The following H2BC21 variants were observed in gnomAD, a reference collection of about 807,000 sequenced individuals.
H2BC21 encodes histone H2B type 2-E.
A neutral mutation model predicts 6.2 loss-of-function variants in H2BC21; 2 were observed. The ratio of observed to expected loss-of-function variants is 0.32; its 90% confidence interval spans 0.13 to 1.02. The LOEUF (loss-of-function observed/expected upper bound fraction) is 1.02. Among genes scored for constraint, H2BC21 ranks in the 50% least tolerant of loss-of-function variants. The probability of loss-of-function intolerance (pLI) is 0.47; values close to 1 mark genes in which losing one functional copy is unlikely to be tolerated. For synonymous variants in H2BC21, 109 were observed against 75.2 expected, an observed-to-expected ratio of 1.45 and a Z score of -2.33; for missense variants, 98 against 172.2, an observed-to-expected ratio of 0.57 and a Z score of 2.41.
Position 149,885,684 on chromosome 1 carries a change from C to T in H2BC21, c.*576G>A, listed in dbSNP as rs587699307. On this transcript the variant is annotated 3_prime_UTR_variant, in exon 1 of 1. Transcript: ENST00000369155. Reference sequence around the variant, plus strand: ...CGCCCAATCAGGACAAGGCTGGGACCCGGCTGCGCGGCCTTCGTCCAAAAT... The same window carrying T: ...CGCCCAATCAGGACAAGGCTGGGACTCGGCTGCGCGGCCTTCGTCCAAAAT... 6.2e-6 allele frequency: 1 copy of T among 162,256 alleles called. No individual in the cohort carries two copies. Among genetic ancestry groups the T allele is most frequent in the African/African-American group, 2.4e-5 (1 of 41,592 alleles). 10.1% of individuals were successfully genotyped at this position (162,256 alleles called of 1,614,324 possible). A position where few individuals can be genotyped will look rare whatever the true frequency, so the allele number is the denominator to read the frequency against.
Position 149,886,677 on chromosome 1 carries a change from A to T in H2BC21, c.-37T>A. ...GTACAAACGCGGCTTAGCCAAGAAA[A>T]GAAGTAAGAGAATGGGCGGGCCTGA... On this transcript the variant is annotated 5_prime_UTR_variant, in exon 1 of 1. Transcript: ENST00000369155. The T allele has an allele frequency of 6.3e-7, 1 of 1,585,968 alleles. No homozygotes were observed. The highest frequency in any genetic ancestry group is 8.6e-7 in the Non-Finnish European group (1 of 1,168,632).
chr1:149,886,446 G>A lies in H2BC21; in HGVS notation c.195C>T (p.Ser65=). ...TGCGCTCGAAGATGTCGTTGACGAA[G>A]GAGTTCATGATGCCCATGGCCTTGG... ...ISSKAMGIMN[S]FVNDIFERIA... The change falls in exon 1 of 1, where the codon TCC becomes TCT. Residue 65 remains serine, a synonymous_variant. Transcript: ENST00000369155. 1.9e-6 allele frequency: 3 copies of A among 1,614,260 alleles called. No homozygotes were observed. The highest frequency in any genetic ancestry group is 1.1e-5 in the South Asian group (1 of 91,092).
chr1:149,886,587 G>C lies in H2BC21; in HGVS notation c.54C>G (p.Ala18=). The C allele has an allele frequency of 1.9e-6, 3 of 1,614,190 alleles. No individual in the cohort carries two copies. Among genetic ancestry groups the C allele is most frequent in the Non-Finnish European group, 2.5e-6 (3 of 1,180,024 alleles). ...CGTCTTTCTTCTGGGCTTTGGTGACGGCTTTCTTGGAGCCCTTTTTAGGGG... is the reference window on the plus strand; with the variant it reads ...CGTCTTTCTTCTGGGCTTTGGTGACCGCTTTCTTGGAGCCCTTTTTAGGGG... The part of the protein sequence containing the change: ...APAPKKGSKK[A]VTKAQKKDGK... Residue 18 remains alanine (A), a synonymous_variant, in exon 1 of 1, where the codon GCC becomes GCG. Coordinates refer to ENST00000369155, the MANE Select transcript of H2BC21 (RefSeq NM_003528.3).
At position 149,886,054 on chromosome 1, in the gene H2BC21, T is replaced by A. The variant is rs896355069; in HGVS notation, c.*206A>T. 6 of 816,140 alleles carry A rather than the reference T, an allele frequency of 7.4e-6. No homozygotes were observed. The African/African-American group carries it at 1.0e-4, about 14-fold the overall frequency. The allele number at this position is 816,140 out of a possible 1,614,324, so 50.6% of individuals were successfully genotyped here. ...TTCAAAAGCAAATCCAATGACGCAC[T>A]GGGGACCTCGAGTTCCAAATAGTTA... On this transcript the variant is annotated 3_prime_UTR_variant, in exon 1 of 1. Transcript: ENST00000369155.
Position 149,886,037 on chromosome 1 carries a change from C to G in H2BC21, c.*223G>C. 1.3e-6 allele frequency: 1 copy of G among 743,216 alleles called. No individual in the cohort carries two copies. Among genetic ancestry groups the G allele is most frequent in the Non-Finnish European group, 2.1e-6 (1 of 470,034 alleles). The allele number at this position is 743,216 out of a possible 1,614,324, so 46.0% of individuals were successfully genotyped here. On this transcript the variant is annotated 3_prime_UTR_variant, in exon 1 of 1. Transcript: ENST00000369155. Reference sequence around the variant, plus strand: ...TAAAGACACGCTCTAGATTCAAAAGCAAATCCAATGACGCACTGGGGACCT... The same window carrying G: ...TAAAGACACGCTCTAGATTCAAAAGGAAATCCAATGACGCACTGGGGACCT...
rs782346666 is a variant in H2BC21, at chr1:149,886,682, T to C, written c.-42A>G. ...AACGCGGCTTAGCCAAGAAAAGAAG[T>C]AAGAGAATGGGCGGGCCTGATTCTT... On this transcript the variant is annotated 5_prime_UTR_variant, in exon 1 of 1. Transcript: ENST00000369155. 1.3e-6 allele frequency: 2 copies of C among 1,584,426 alleles called. No individual in the cohort carries two copies. Among genetic ancestry groups the C allele is most frequent in the Non-Finnish European group, 1.7e-6 (2 of 1,167,902 alleles).
In H2BC21 at chr1:149,885,787, CGTCA is replaced by C. The variant is rs1316482179; in HGVS notation, c.*469_*472del. 5 of 203,364 alleles carry C rather than the reference CGTCA, an allele frequency of 2.5e-5. No individual in the cohort carries two copies. Among genetic ancestry groups the C allele is most frequent in the Admixed American group, 5.3e-5 (1 of 18,808 alleles). The allele number at this position is 203,364 out of a possible 1,614,324, so 12.6% of individuals were successfully genotyped here. ...ACCGGACACAAAAGCTGCTGCCAAG[CGTCA>C]GTCATACAGAGCTGTCACGCAGTGT... On this transcript the variant is annotated 3_prime_UTR_variant, in exon 1 of 1. Transcript: ENST00000369155.
In H2BC21 at chr1:149,886,002, G is replaced by T; in HGVS notation, c.*258C>A. On this transcript the variant is annotated 3_prime_UTR_variant, in exon 1 of 1. Coordinates refer to ENST00000369155, the MANE Select transcript of H2BC21 (RefSeq NM_003528.3). ...AACCGACTCCTGGGAAGGCTAAGCA[G>T]CACAATGAGTAAAGACACGCTCTAG... is the stretch of plus-strand genomic sequence containing the variant. 1.6e-6 allele frequency: 1 copy of T among 614,272 alleles called. No individual in the cohort carries two copies. Among genetic ancestry groups the T allele is most frequent in the African/African-American group, 1.8e-5 (1 of 54,148 alleles). 38.1% of individuals were successfully genotyped at this position (614,272 alleles called of 1,614,324 possible).
In H2BC21 at chr1:149,885,964, C is replaced by A; in HGVS notation, c.*296G>T. The A allele has an allele frequency of 4.2e-6, 2 of 474,624 alleles. No homozygotes were observed. The highest frequency in any genetic ancestry group is 7.5e-6 in the Non-Finnish European group (2 of 267,502). The allele number at this position is 474,624 out of a possible 1,614,324, so 29.4% of individuals were successfully genotyped here. A position where few individuals can be genotyped will look rare whatever the true frequency, so the allele number is the denominator to read the frequency against. On this transcript the variant is annotated 3_prime_UTR_variant, in exon 1 of 1. Coordinates refer to ENST00000369155, the MANE Select transcript of H2BC21 (RefSeq NM_003528.3). ...GGCGGGTAAAGAGGCGGATTCCCAACAGCCTAATTGAGAACCGACTCCTGG... is the reference window on the plus strand; with the variant it reads ...GGCGGGTAAAGAGGCGGATTCCCAAAAGCCTAATTGAGAACCGACTCCTGG...
rs782703004 is a variant in H2BC21, at chr1:149,886,237, G to A, written c.*23C>T. The A allele has an allele frequency of 6.2e-7, 1 of 1,613,984 alleles. No individual in the cohort carries two copies. Among genetic ancestry groups the A allele is most frequent in the Non-Finnish European group, 8.5e-7 (1 of 1,179,924 alleles). On this transcript the variant is annotated 3_prime_UTR_variant, in exon 1 of 1. Coordinates refer to ENST00000369155, the MANE Select transcript of H2BC21 (RefSeq NM_003528.3). ...CAAGCAGCCGGCGACTCGAGCGAGC[G>A]AGCGCCAGGTCCCGGCAGGGACTCA...
chr1:149,886,269 G>A lies in H2BC21; in HGVS notation c.372C>T (p.Ser124=), dbSNP rs908673559. 2 of 1,614,108 alleles carry A rather than the reference G, an allele frequency of 1.2e-6. No homozygotes were observed. The highest frequency in any genetic ancestry group is 8.5e-7 in the Non-Finnish European group (1 of 1,179,976). Residue 124 remains serine (S), a synonymous_variant, in exon 1 of 1, where the codon AGC becomes AGT. Coordinates refer to ENST00000369155, the MANE Select transcript of H2BC21 (RefSeq NM_003528.3). ...AGGTCCCGGCAGGGACTCACTTGGA[G>A]CTGGTGTACTTGGTGACCGCCTTGG... is the stretch of plus-strand genomic sequence containing the variant. The part of the protein sequence containing the change: ...EGTKAVTKYT[S]SK
chr1:149,885,135 G>A lies in H2BC21; in HGVS notation c.*1125C>T, dbSNP rs1291352900. 2.0e-5 allele frequency: 3 copies of A among 152,618 alleles called. No individual in the cohort carries two copies. Among genetic ancestry groups the A allele is most frequent in the African/African-American group, 7.2e-5 (3 of 41,440 alleles). The allele number at this position is 152,618 out of a possible 1,614,324, so 9.5% of individuals were successfully genotyped here. The stretch of plus-strand genomic sequence containing the variant: ...ATACATTTTGAGGAAGTAGCTCCAA[G>A]AACATTTCCATTTTCACTGTGCCTT... On this transcript the variant is annotated 3_prime_UTR_variant, in exon 1 of 1. Transcript: ENST00000369155.
Position 149,886,249 on chromosome 1 carries a change from C to T in H2BC21, c.*11G>A, listed in dbSNP as rs1559774229. ...GACTCGAGCGAGCGAGCGCCAGGTC[C>T]CGGCAGGGACTCACTTGGAGCTGGT... On this transcript the variant is annotated 3_prime_UTR_variant, in exon 1 of 1. Coordinates refer to ENST00000369155, the MANE Select transcript of H2BC21 (RefSeq NM_003528.3). 6.2e-7 allele frequency: 1 copy of T among 1,614,016 alleles called. No individual in the cohort carries two copies. The highest frequency in any genetic ancestry group is 1.1e-5 in the South Asian group (1 of 91,084).
rs782276340 is a variant in H2BC21, at chr1:149,886,584, G to A, written c.57C>T (p.Val19=). ...TGCCGTCTTTCTTCTGGGCTTTGGT[G>A]ACGGCTTTCTTGGAGCCCTTTTTAG... ...PAPKKGSKKA[V]TKAQKKDGKK... is the part of the protein sequence containing the mutation. The change falls in exon 1 of 1, where the codon GTC becomes GTT. Residue 19 remains valine (V), a synonymous_variant. Transcript: ENST00000369155. 3.1e-6 allele frequency: 5 copies of A among 1,614,210 alleles called. No individual in the cohort carries two copies. In the South Asian group the frequency reaches 4.4e-5, roughly 14 times the overall value.
Position 149,884,672 on chromosome 1 carries a change from T to G in H2BC21, c.*1588A>C, listed in dbSNP as rs1460016321. 1 of 152,166 alleles carries G rather than the reference T, an allele frequency of 6.6e-6. No individual in the cohort carries two copies. The allele number at this position is 152,166 out of a possible 1,614,324, so 9.4% of individuals were successfully genotyped here. A position where few individuals can be genotyped will look rare whatever the true frequency, so the allele number is the denominator to read the frequency against. On this transcript the variant is annotated 3_prime_UTR_variant, in exon 1 of 1. Coordinates refer to ENST00000369155, the MANE Select transcript of H2BC21 (RefSeq NM_003528.3). ...GTGTCTTCCTCGGCAGAATCAAGGG[T>G]TGGACAGAAAGAGTAAATATTCTGC...
chr1:149,886,408 G>GC lies in H2BC21; in HGVS notation c.232dup (p.Ala78GlyfsTer80). 1 of 1,614,258 alleles carries GC rather than the reference G, an allele frequency of 6.2e-7. No homozygotes were observed. Among genetic ancestry groups the GC allele is most frequent in the Non-Finnish European group, 8.5e-7 (1 of 1,180,058 alleles). On this transcript the variant is annotated frameshift_variant, in exon 1 of 1. Transcript: ENST00000369155. LOFTEE classifies it high-confidence loss of function. Reference sequence around the variant, plus strand: ...CTTGTTGTAGTGCGCCAGGCGGGAAGCCTCTCCCGCGATGCGCTCGAAGAT... The same window carrying GC: ...CTTGTTGTAGTGCGCCAGGCGGGAAGCCCTCTCCCGCGATGCGCTCGAAGAT...
rs1553759723 is a variant in H2BC21, at chr1:149,886,394, G to T, written c.247C>A (p.His83Asn). 1 of 1,614,222 alleles carries T rather than the reference G, an allele frequency of 6.2e-7. No homozygotes were observed. Among genetic ancestry groups the T allele is most frequent in the Admixed American group, 1.7e-5 (1 of 60,036 alleles). ...GTGATGGTGGAGCGCTTGTTGTAGT[G>T]CGCCAGGCGGGAAGCCTCTCCCGCG... ...RIAGEASRLA[H>N]YNKRSTITSR... Residue 83 changes from histidine (H) to asparagine (N), a missense_variant, in exon 1 of 1, where the codon CAC (histidine) becomes AAC (asparagine). Around this residue, in one of 2 missense-constraint regions of H2BC21, gnomAD observed 48 missense variants for 137.8 expected, o/e 0.35. Transcript: ENST00000369155.
rs1309404876 is a variant in H2BC21 at position 149,884,940 on chromosome 1, G to C, written c.*1320C>G. The C allele has an allele frequency of 3.3e-5, 5 of 152,516 alleles. No individual in the cohort carries two copies. In the East Asian group the frequency reaches 9.6e-4, roughly 29 times the overall value. The allele number at this position is 152,516 out of a possible 1,614,324, so 9.4% of individuals were successfully genotyped here. A position where few individuals can be genotyped will look rare whatever the true frequency, so the allele number is the denominator to read the frequency against. ...CCATGAGGGGAGAGTAAGAAAAGGAGAAGGAAAAGGCTCTTTCCAGTGACC... is the reference window on the plus strand; with the variant it reads ...CCATGAGGGGAGAGTAAGAAAAGGACAAGGAAAAGGCTCTTTCCAGTGACC... On this transcript the variant is annotated 3_prime_UTR_variant, in exon 1 of 1. Transcript: ENST00000369155.
chr1:149,885,969 T>A lies in H2BC21; in HGVS notation c.*291A>T. On this transcript the variant is annotated 3_prime_UTR_variant, in exon 1 of 1. Transcript: ENST00000369155. Reference sequence around the variant, plus strand: ...GTAAAGAGGCGGATTCCCAACAGCCTAATTGAGAACCGACTCCTGGGAAGG... The same window carrying A: ...GTAAAGAGGCGGATTCCCAACAGCCAAATTGAGAACCGACTCCTGGGAAGG... 2.0e-6 allele frequency: 1 copy of A among 497,428 alleles called. No individual in the cohort carries two copies. The highest frequency in any genetic ancestry group is 3.6e-6 in the Non-Finnish European group (1 of 281,624). 30.8% of individuals were successfully genotyped at this position (497,428 alleles called of 1,614,324 possible). A position where few individuals can be genotyped will look rare whatever the true frequency, so the allele number is the denominator to read the frequency against.
Sources: gnomAD v4.1 joint callset for allele counts on GRCh38, gnomAD v4.1.1 for gene constraint, gnomAD v4.1.1 regional missense constraint, MANE v1.5 for transcripts, NCBI Gene and HGNC (gene_info 2026-07-23, HGNC 2026-07-21) for gene names.